PPIL2: variants seen among roughly 807,000 people sequenced by gnomAD.
PPIL2 encodes the protein peptidylprolyl isomerase like 2, also known as RING-type E3 ubiquitin-protein ligase PPIL2.
In PPIL2, 50 loss-of-function variants were observed where a neutral mutation model predicts 75.2. The ratio of observed to expected loss-of-function variants is 0.66; its 90% CI spans 0.53 to 0.84. The LOEUF (loss-of-function observed/expected upper bound fraction) is 0.84, where lower values mean the gene tolerates loss of function less well. PPIL2 is among the 40% of genes least tolerant of loss of function. The pLI is 0.00. For missense variants in PPIL2, 590 were observed against 685.0 expected, an observed-to-expected ratio of 0.86 and a Z score of 1.55; for synonymous variants, 245 against 258.8, an observed-to-expected ratio of 0.95 and a Z score of 0.51.
rs201283292 is a variant in PPIL2, at chr22:21,693,829, C to T, written c.1153C>T (p.Arg385Cys). Residue 385 changes from arginine to cysteine, a missense_variant, in exon 16 of 20, where the codon CGC becomes TGC. Transcript: ENST00000398831. ...SNRSQFFITF[R>C]SCAYLDKKHT... ...CCTCCTCCCCAGCTTCATCACGTTTCGCTCCTGTGCCTACCTGGACAAGAA... is the reference window on the plus strand; with the variant it reads ...CCTCCTCCCCAGCTTCATCACGTTTTGCTCCTGTGCCTACCTGGACAAGAA... 12 of 1,544,342 alleles carry T rather than the reference C, an allele frequency of 7.8e-6. No individual in the cohort carries two copies. The highest frequency in any genetic ancestry group is 1.1e-5 in the South Asian group (1 of 89,646).
In PPIL2 at chr22:21,682,465, A is replaced by G. The variant is rs138822922; in HGVS notation, c.416A>G (p.Lys139Arg). ...EAVEQLNIKA[K>R]NFRDLLTDEP... ...GTGGAACAGCTAAATATCAAGGCCA[A>G]GAACTTCCGGGACCTGCTGACCGAC... The change falls in exon 8 of 20, where the codon AAG becomes AGG. Residue 139 changes from lysine to arginine, a missense_variant. Physicochemically the swap from Lys to Arg is conservative, Grantham distance 26. Coordinates refer to ENST00000398831, the MANE Select transcript of PPIL2 (RefSeq NM_014337.4). 17 of 1,614,032 alleles carry G rather than the reference A, an allele frequency of 1.1e-5. No homozygotes were observed. The highest frequency in any genetic ancestry group is 8.9e-5 in the East Asian group (4 of 44,880).
At chr22:21,677,881 G>T (rs1411340045) in intron 6 of PPIL2, among the ~76,000 whole-genome samples, 1 of 152,202 alleles carries the variant, frequency 6.6e-6, no homozygotes, top group East Asian at 1.9e-4. Context: ...AGGGGGAGGG[G>T]AGAGGGCCGC....
downstream of PPIL2, chr22:21,698,957 T>C (rs1601620051): frequency 6.6e-6 from 1 of 152,532 alleles, no homozygotes; most frequent in South Asian, 2.1e-4. Flanking sequence ...CTTTCCTAAG[T>C]GGAAGATGTG....
At chr22:21,695,290 GTGGGAGGGGT>G in intron 19 of PPIL2, 94 bp from the exon 20 acceptor site, 2 of 1,377,528 alleles carry the variant, frequency 1.5e-6, no homozygotes, top group African/African-American at 2.9e-5. Flanking sequence ...GGAGCAGCAG[GTGGGAGGGGT>G]TGGGCCTACA....
At position 21,687,012 on chromosome 22, in the gene PPIL2, C is replaced by T. The variant is rs755228030; in HGVS notation, c.897+14C>T. The T allele has an allele frequency of 5.6e-6, 9 of 1,606,210 alleles. No homozygotes were observed. Among genetic ancestry groups the T allele is most frequent in the Non-Finnish European group, 5.1e-6 (6 of 1,173,612 alleles). The stretch of plus-strand genomic sequence containing the variant: ...CACTGCGACCTGGTGGGTGTGGAGG[C>T]CAGCCACTCCCCATGCCCCAAGGTC... On this transcript the variant is annotated intron_variant, in intron 12 of 19. Transcript: ENST00000398831.
At position 21,682,466 on chromosome 22, in the gene PPIL2, G is replaced by A; in HGVS notation, c.417G>A (p.Lys139=). 1.2e-6 allele frequency: 2 copies of A among 1,614,026 alleles called. No individual in the cohort carries two copies. The highest frequency in any genetic ancestry group is 1.7e-6 in the Non-Finnish European group (2 of 1,179,992). Residue 139 remains lysine, a synonymous_variant, in exon 8 of 20, where the codon AAG becomes AAA. Coordinates refer to ENST00000398831, the MANE Select transcript of PPIL2 (RefSeq NM_014337.4). ...TGGAACAGCTAAATATCAAGGCCAA[G>A]AACTTCCGGGACCTGCTGACCGACG... ...EAVEQLNIKA[K]NFRDLLTDEP...
Position 21,696,695 on chromosome 22 carries a change from G to A in PPIL2, c.*1205G>A. On this transcript the variant is annotated 3_prime_UTR_variant, in exon 20 of 20. Transcript: ENST00000398831. ...TTCTTCACACTAAGCCCTAACTTAGGCCTTGTTCTTGGTTTTCTCATTTTT... is the reference window on the plus strand; with the variant it reads ...TTCTTCACACTAAGCCCTAACTTAGACCTTGTTCTTGGTTTTCTCATTTTT... 3 of 1,535,004 alleles carry A rather than the reference G, an allele frequency of 2.0e-6. No individual in the cohort carries two copies. The highest frequency in any genetic ancestry group is 2.6e-6 in the Non-Finnish European group (3 of 1,146,302).
At position 21,682,517 on chromosome 22, in the gene PPIL2, C is replaced by T. The variant is rs749170698; in HGVS notation, c.468C>T (p.Ile156=). The T allele has an allele frequency of 8.8e-6, 14 of 1,598,872 alleles. No homozygotes were observed. The Admixed American group carries it at 2.4e-4, about 27-fold the overall frequency. The stretch of plus-strand genomic sequence containing the variant: ...AGCCCTTCTCCCGGCAGGACATCAT[C>T]ACCCTCCAGGTGAGTGTCCCCTGCC... The part of the protein sequence containing the change: ...TDEPFSRQDI[I]TLQDPTNLDK... The change falls in exon 8 of 20, where the codon ATC becomes ATT. Residue 156 remains isoleucine, a synonymous_variant. Transcript: ENST00000398831.
chr22:21,683,156 T>C lies in PPIL2; in HGVS notation c.478-26T>C, dbSNP rs760388788. 8 of 1,593,566 alleles carry C rather than the reference T, an allele frequency of 5.0e-6. No individual in the cohort carries two copies. The East Asian group carries it at 1.8e-4, about 36-fold the overall frequency. ...ATTTGGCCGTAGGCTGGGTTCACTC[T>C]GCTGGGCATTCTCTTTTTGCCACAG... On this transcript the variant is annotated intron_variant, in intron 8 of 19. Coordinates refer to ENST00000398831, the MANE Select transcript of PPIL2 (RefSeq NM_014337.4).
At chr22:21,675,979 T>A (rs1311419126) in intron 6 of PPIL2, among the ~76,000 whole-genome samples, 1 of 152,254 alleles carries the variant, frequency 6.6e-6, no homozygotes, top group Non-Finnish European at 1.5e-5. Context: ...TGCTAGGTTC[T>A]AGTCCAGGTC....
chr22:21,698,933 C>T (rs1215216445), downstream of PPIL2: 1 of 152,462 alleles, frequency 6.6e-6, no homozygotes, highest in Non-Finnish European at 1.5e-5. Flanking sequence ...CAAGACAGTA[C>T]AAAGATTTCC....
rs748096709 is a variant in PPIL2 at position 21,683,267 on chromosome 22, C to G, written c.553+10C>G. On this transcript the variant is annotated intron_variant, in intron 9 of 19. Transcript: ENST00000398831. ...AAAATAATAGACCCAGGTATGTACA[C>G]CTAGGGGCTGGGCTAGGCGAGGGGG... 28 of 1,601,624 alleles carry G rather than the reference C, an allele frequency of 1.7e-5. No homozygotes were observed. The highest frequency in any genetic ancestry group is 2.3e-5 in the Non-Finnish European group (27 of 1,168,800).
intron 14 of PPIL2, 26 bp from the exon 15 acceptor site, chr22:21,688,706 T>C (rs780775366): frequency 3.1e-6 from 5 of 1,606,722 alleles, no homozygotes; most frequent in Non-Finnish European, 3.4e-6. Flanking sequence ...CAGGCTTTCC[T>C]GCTCCCATGG....
At chr22:21,676,407 CA>C (rs2066862786) in intron 6 of PPIL2, among the ~76,000 whole-genome samples, 1 of 149,664 alleles carries the variant, frequency 6.7e-6, no homozygotes, top group South Asian at 2.1e-4. Flanking sequence ...GTGTTTCTCA[CA>C]GAGGGGGATT....
In PPIL2 at chr22:21,687,708, C is replaced by T; in HGVS notation, c.963C>T (p.Phe321=). The T allele has an allele frequency of 6.2e-7, 1 of 1,612,570 alleles. No individual in the cohort carries two copies. Among genetic ancestry groups the T allele is most frequent in the Non-Finnish European group, 8.5e-7 (1 of 1,179,018 alleles). The change falls in exon 13 of 20, where the codon TTC becomes TTT. Residue 321 remains phenylalanine, a synonymous_variant. Coordinates refer to ENST00000398831, the MANE Select transcript of PPIL2 (RefSeq NM_014337.4). ...AGCATTATTACGATGGCACCATCTT[C>T]CACAGATCCATCCGGAACTTTGTGG... The part of the protein sequence containing the change: ...CKKHYYDGTI[F]HRSIRNFVIQ...
Position 21,695,651 on chromosome 22 carries a change from T to A in PPIL2, c.*161T>A. The A allele has an allele frequency of 6.9e-7, 1 of 1,447,538 alleles. No individual in the cohort carries two copies. Among genetic ancestry groups the A allele is most frequent in the Non-Finnish European group, 9.1e-7 (1 of 1,097,194 alleles). 89.7% of individuals were successfully genotyped at this position (1,447,538 alleles called of 1,614,324 possible). On this transcript the variant is annotated 3_prime_UTR_variant, in exon 20 of 20. Transcript: ENST00000398831. Reference sequence around the variant, plus strand: ...CCTGGCCCCTGGGAGCCCACAGCCTTCCCATCCCTTAACCTGTTGCCAAGG... The same window carrying A: ...CCTGGCCCCTGGGAGCCCACAGCCTACCCATCCCTTAACCTGTTGCCAAGG...
At chr22:21,667,019 C>A (rs1392794193) in intron 1 of PPIL2, among the ~76,000 whole-genome samples, 2 of 152,064 alleles carry the variant, frequency 1.3e-5, no homozygotes, top group Non-Finnish European at 2.9e-5. Flanking sequence ...GTTGACCACT[C>A]CCTCTTTCTG....
At chr22:21,678,420 G>A (rs182422376) in intron 6 of PPIL2, among the ~76,000 whole-genome samples, 59 of 152,072 alleles carry the variant, frequency 3.9e-4, no homozygotes, top group African/African-American at 1.3e-3. Context: ...TTGTAGAGAC[G>A]GGGTTTCACC....
chr22:21,692,857 C>T (rs917132983), intron 15 of PPIL2, among the ~76,000 whole-genome samples: 8 of 149,192 alleles, frequency 5.4e-5, no homozygotes, highest in African/African-American at 7.4e-5. Context: ...ACCTGGGAGG[C>T]GGAGCTTGCA....
Sources: allele counts gnomAD v4.1 joint callset (sites outside exome capture counted in the v4.1 genomes callset), GRCh38; gene constraint gnomAD v4.1.1; transcripts MANE v1.5; gene names NCBI Gene and HGNC (gene_info 2026-07-23, HGNC 2026-07-21).